PDE3B: variants seen among roughly 807,000 people sequenced by gnomAD.
The protein encoded by PDE3B is phosphodiesterase 3B, also known as cGMP-inhibited 3',5'-cyclic phosphodiesterase 3B.
A neutral mutation model predicts 116.8 loss-of-function variants in PDE3B; 66 were observed. That is an observed-to-expected ratio of 0.56 (90% CI 0.46 to 0.69). PDE3B has a LOEUF of 0.69. Among genes scored for constraint, PDE3B ranks in the 30% least tolerant of loss-of-function variants. The pLI, the probability that PDE3B is intolerant of heterozygous loss-of-function variation, is 0.00. For missense variants in PDE3B, 1,384 were observed against 1,368.1 expected (o/e 1.01, Z -0.18); for synonymous variants, 595 against 533.6 (o/e 1.12, Z -1.59).
intron 14 of PDE3B, among the ~76,000 whole-genome samples, chr11:14,864,898 A>C (rs1848015544): frequency 6.6e-6 from 1 of 152,194 alleles, no homozygotes; most frequent in Non-Finnish European, 1.5e-5. Context: ...GAAAGATCTA[A>C]AATCGACACC....
chr11:14,844,151 T>A (rs1000102360), intron 12 of PDE3B, 125 bp downstream of exon 12: 7 of 671,068 alleles, frequency 1.0e-5, no homozygotes, highest in Non-Finnish European at 1.8e-5. Context: ...ACCCTACATT[T>A]TAATTAATTG....
At chr11:14,892,202 A>C in the PDE3B span, 1 of 1,609,748 alleles carries the variant, frequency 6.2e-7, no homozygotes, top group South Asian at 1.1e-5. Flanking sequence ...CAAAGCTTCC[A>C]CATCGGCCCG....
rs1216394860 is a variant in PDE3B at position 14,869,763 on chromosome 11, C to T, written c.*103C>T. The T allele has an allele frequency of 2.2e-6, 2 of 897,532 alleles. No homozygotes were observed. Among genetic ancestry groups the T allele is most frequent in the African/African-American group, 1.7e-5 (1 of 59,612 alleles). The allele number at this position is 897,532 out of a possible 1,614,324, so 55.6% of individuals were successfully genotyped here. A position where few individuals can be genotyped will look rare whatever the true frequency, so the allele number is the denominator to read the frequency against. On this transcript the variant is annotated 3_prime_UTR_variant, in exon 16 of 16. Coordinates refer to ENST00000282096, the MANE Select transcript of PDE3B (RefSeq NM_000922.4). Reference sequence around the variant, plus strand: ...GTTCACCGGCTGACTCTCAACTGACCATTCCCATGTGGACAGGCCTTAATA... The same window carrying T: ...GTTCACCGGCTGACTCTCAACTGACTATTCCCATGTGGACAGGCCTTAATA...
intron 5 of PDE3B, among the ~76,000 whole-genome samples, chr11:14,816,261 CACA>C (rs986822598): frequency 2.0e-5 from 3 of 152,194 alleles, no homozygotes; most frequent in African/African-American, 7.2e-5. Context: ...AAAATATCTT[CACA>C]ACAACATCTA....
chr11:14,816,257 T>C (rs1026052904), intron 5 of PDE3B, among the ~76,000 whole-genome samples: 2 of 152,210 alleles, frequency 1.3e-5, no homozygotes, highest in Non-Finnish European at 2.9e-5. Context: ...CTGAAAAATA[T>C]CTTCACAACA....
At chr11:14,815,938 TACACACACACAC>T (rs35596025) in intron 5 of PDE3B, among the ~76,000 whole-genome samples, 12 of 146,232 alleles carry the variant, frequency 8.2e-5, no homozygotes, top group South Asian at 2.2e-4. Flanking sequence ...ATTATATTTA[TACACACACACAC>T]ACACACACAC....
intron 2 of PDE3B, chr11:14,773,624 A>G (rs917602976): frequency 3.9e-5 from 6 of 152,100 alleles, no homozygotes; most frequent in Non-Finnish European, 7.4e-5. Flanking sequence ...TTTGTGGTCA[A>G]ATTTTAAGTT....
Position 14,794,252 on chromosome 11 carries a change from G to A in PDE3B, c.1415+5010G>A, listed in dbSNP as rs547414611. Among the ~76,000 whole-genome samples, 19 of 152,170 alleles carry A rather than the reference G, an allele frequency of 1.2e-4. No homozygotes were observed. In the South Asian group the frequency reaches 3.9e-3, roughly 32 times the overall value. ...AGCAAGCAAGCGAGCAAGCAAGCAG[G>A]CAAGCAAGCAATTCTGTAGTAGACA... On this transcript the variant is annotated intron_variant, in intron 4 of 15. Transcript: ENST00000282096.
At chr11:14,645,142 A>G (rs915678951) in intron 1 of PDE3B, 89 bp downstream of exon 1, 9 of 423,058 alleles carry the variant, frequency 2.1e-5, no homozygotes, top group Admixed American at 1.4e-4. Flanking sequence ...ATTTCAAAGC[A>G]TGTTAACTTT....
intron 5 of PDE3B, among the ~76,000 whole-genome samples, chr11:14,816,426 A>AT (rs34041254): frequency 0.36 from 55,003 of 151,936 alleles, 11,382 homozygotes; most frequent in South Asian, 0.46. Context: ...TTGGGTCTTT[A>AT]TTTTCAAATA....
At position 14,730,407 on chromosome 11, in the gene PDE3B, A is replaced by G. The variant is rs1396592521; in HGVS notation, c.979-41530A>G. Among the ~76,000 whole-genome samples the G allele has an allele frequency of 2.6e-5, 4 of 152,350 alleles. No individual in the cohort carries two copies. The East Asian group carries it at 7.7e-4, about 29-fold the overall frequency. ...TCAGATGTTGGGTGGCCAAAAATGT[A>G]CAGATATCCACTACATTTCCTTGTG... On this transcript the variant is annotated intron_variant, in intron 1 of 15. Transcript: ENST00000282096.
At chr11:14,766,932 G>C (rs1302488057) in intron 1 of PDE3B, among the ~76,000 whole-genome samples, 2 of 151,702 alleles carry the variant, frequency 1.3e-5, no homozygotes, top group African/African-American at 4.8e-5. Context: ...ACCAAGAGCT[G>C]ATTTGGCTTT....
the PDE3B span, among the ~76,000 whole-genome samples, chr11:14,882,025 T>C: frequency 4.6e-5 from 7 of 152,276 alleles, no homozygotes; most frequent in East Asian, 1.2e-3. Flanking sequence ...GTAGAACTTA[T>C]TAAAAAGTTA....
At chr11:14,847,138 G>A (rs576814054) in intron 12 of PDE3B, among the ~76,000 whole-genome samples, 139 of 152,228 alleles carry the variant, frequency 9.1e-4, no homozygotes, top group African/African-American at 3.2e-3. Flanking sequence ...ATGGCAAACT[G>A]TCTCTCAGAC....
intron 5 of PDE3B, among the ~76,000 whole-genome samples, chr11:14,807,194 C>T (rs565963349): frequency 1.3e-5 from 2 of 152,158 alleles, no homozygotes; most frequent in South Asian, 2.1e-4. Flanking sequence ...CACCATGGCA[C>T]GTGTATACCT....
chr11:14,772,290 T>A (rs902137792), intron 2 of PDE3B: 2 of 166,966 alleles, frequency 1.2e-5, no homozygotes, highest in Non-Finnish European at 2.5e-5. Context: ...AGGATAAGAT[T>A]TTTTTCTTTT....
chr11:14,701,935 C>A (rs1315149299), intron 1 of PDE3B, among the ~76,000 whole-genome samples: 1 of 151,050 alleles, frequency 6.6e-6, no homozygotes, highest in East Asian at 1.9e-4. Context: ...TTTTTTCAAC[C>A]TTTGTGCTGA....
chr11:14,732,427 T>C (rs1856483535), intron 1 of PDE3B, among the ~76,000 whole-genome samples: 3 of 152,168 alleles, frequency 2.0e-5, no homozygotes, highest in Admixed American at 6.5e-5. Flanking sequence ...TTGAGAACCG[T>C]GGCTTTAGAC....
rs1221027743 is a variant in PDE3B, at chr11:14,644,667, C to T, written c.592C>T (p.Leu198=). The part of the protein sequence containing the change: ...TPPEAAAGRL[L]LVLSCVGLLL... ...CCCGGAGGCGGCAGCGGGCAGGTTG[C>T]TGCTGGTGCTGAGCTGCGTAGGGCT... Residue 198 remains leucine (L), a synonymous_variant, in exon 1 of 16, where the codon CTG becomes TTG. Transcript: ENST00000282096. 7 of 1,499,170 alleles carry T rather than the reference C, an allele frequency of 4.7e-6. No homozygotes were observed. The Admixed American group carries it at 1.6e-4, about 34-fold the overall frequency. The allele number at this position is 1,499,170 out of a possible 1,614,324, so 92.9% of individuals were successfully genotyped here. A position where few individuals can be genotyped will look rare whatever the true frequency, so the allele number is the denominator to read the frequency against.
Sources: allele counts gnomAD v4.1 joint callset (sites outside exome capture counted in the v4.1 genomes callset), GRCh38; gene constraint gnomAD v4.1.1; transcripts MANE v1.5; gene names NCBI Gene and HGNC (gene_info 2026-07-23, HGNC 2026-07-21).